The following SCN3B variants were observed in gnomAD, a reference collection of about 807,000 sequenced individuals.
SCN3B encodes sodium voltage-gated channel beta subunit 3.
Under a neutral mutation model 25.4 loss-of-function variants are expected in SCN3B, and 11 were observed. That is an observed-to-expected ratio of 0.43 (90% CI 0.27 to 0.72). SCN3B has a LOEUF of 0.72. SCN3B is among the 30% of genes least tolerant of loss of function. The pLI is 0.18. For missense variants in SCN3B, 218 were observed against 278.3 expected (o/e 0.78, Z 1.54); for synonymous variants, 109 against 110.7 (o/e 0.99, Z 0.09).
At chr11:123,637,487 A>G (rs1955742084) in intron 5 of SCN3B, among the ~76,000 whole-genome samples, 1 of 152,026 alleles carries the variant, frequency 6.6e-6, no homozygotes, top group South Asian at 2.1e-4. Context: ...GCATTTACAG[A>G]ACGGTTATAA....
chr11:123,653,475 G>T (rs1263350895), intron 2 of SCN3B, among the ~76,000 whole-genome samples: 1 of 152,052 alleles, frequency 6.6e-6, no homozygotes, highest in Non-Finnish European at 1.5e-5. Flanking sequence ...AAGGGAAAGG[G>T]AAAAAATACT....
At chr11:123,640,534 G>A (rs1955775195) in intron 4 of SCN3B, 2 of 151,672 alleles carry the variant, frequency 1.3e-5, no homozygotes, top group Non-Finnish European at 2.9e-5. Flanking sequence ...AAGAAAAAGT[G>A]GCAGGGGGTT....
Position 123,632,143 on chromosome 11 carries a change from T to A in SCN3B, c.*1656A>T, listed in dbSNP as rs1217949722. 6.6e-6 allele frequency: 1 copy of A among 152,192 alleles called. No individual in the cohort carries two copies. The highest frequency in any genetic ancestry group is 1.5e-5 in the Non-Finnish European group (1 of 68,034). 9.4% of individuals were successfully genotyped at this position (152,192 alleles called of 1,614,324 possible). A position where few individuals can be genotyped will look rare whatever the true frequency, so the allele number is the denominator to read the frequency against. Reference sequence around the variant, plus strand: ...CTAAAGTTTTTTCCAGTTTCTCTGCTCCCTCAAAATCTAGGGGAAAAAAAT... The same window carrying A: ...CTAAAGTTTTTTCCAGTTTCTCTGCACCCTCAAAATCTAGGGGAAAAAAAT... On this transcript the variant is annotated 3_prime_UTR_variant, in exon 7 of 7. Coordinates refer to ENST00000299333, the MANE Select transcript of SCN3B (RefSeq NM_001040151.2).
At position 123,643,740 on chromosome 11, in the gene SCN3B, T is replaced by C. The variant is rs78715641; in HGVS notation, c.220-1069A>G. Among the ~76,000 whole-genome samples, 770 of 152,312 alleles carry C rather than the reference T, an allele frequency of 5.1e-3. 1 individual carries two copies. The highest frequency in any genetic ancestry group is 0.017 in the African/African-American group (713 of 41,578). On this transcript the variant is annotated intron_variant, in intron 3 of 6. Coordinates refer to ENST00000299333, the MANE Select transcript of SCN3B (RefSeq NM_001040151.2). ...TCACTTTGGGCAGGCCTGGAAGCAA[T>C]GTGGGCAGCTATCACTGGTACATGA...
At chr11:123,636,332 C>T (rs1955724258) in intron 5 of SCN3B, among the ~76,000 whole-genome samples, 1 of 152,054 alleles carries the variant, frequency 6.6e-6, no homozygotes, top group South Asian at 2.1e-4. Flanking sequence ...CTTAGGTATC[C>T]TATGTAAATA....
intron 3 of SCN3B, 139 bp downstream of exon 3, chr11:123,645,448 T>C (rs1955843773): frequency 1.1e-6 from 1 of 944,578 alleles, no homozygotes; most frequent in Non-Finnish European, 1.7e-6. Context: ...AGGCTGTCAG[T>C]TATCTGCTGA....
Position 123,642,294 on chromosome 11 carries a change from A to T in SCN3B, c.445+152T>A, listed in dbSNP as rs1181446332. 4.0e-6 allele frequency: 3 copies of T among 743,870 alleles called. No individual in the cohort carries two copies. In the Admixed American group the frequency reaches 6.2e-5, roughly 15 times the overall value. 46.1% of individuals were successfully genotyped at this position (743,870 alleles called of 1,614,324 possible). On this transcript the variant is annotated intron_variant, in intron 4 of 6. Coordinates refer to ENST00000299333, the MANE Select transcript of SCN3B (RefSeq NM_001040151.2). The surrounding 1 kb of genome is among the most constrained non-coding windows in gnomAD (Gnocchi z 4.3). The stretch of plus-strand genomic sequence containing the variant: ...TTACAGGAAGCTGGCCACCAGAAGA[A>T]GATGGGTCAATGGTGACATTTTTAG...
intron 2 of SCN3B, among the ~76,000 whole-genome samples, chr11:123,647,794 G>A (rs1955871003): frequency 6.6e-6 from 1 of 152,170 alleles, no homozygotes; most frequent in Admixed American, 6.5e-5. Context: ...AAAACATGGA[G>A]TTTAAAAACT....
intron 2 of SCN3B, among the ~76,000 whole-genome samples, chr11:123,652,281 G>A (rs1312806382): frequency 6.6e-6 from 1 of 152,146 alleles, no homozygotes; most frequent in Non-Finnish European, 1.5e-5. Context: ...TGAGATCATT[G>A]GCAACATATT....
intron 3 of SCN3B, among the ~76,000 whole-genome samples, chr11:123,645,164 A>G (rs1955840421): frequency 6.6e-6 from 1 of 152,008 alleles, no homozygotes; most frequent in African/African-American, 2.4e-5. Context: ...TGTCATTCCT[A>G]TTTCAATGGG....
At chr11:123,644,859 A>G (rs1293912999) in intron 3 of SCN3B, among the ~76,000 whole-genome samples, 9 of 147,700 alleles carry the variant, frequency 6.1e-5, no homozygotes, top group Non-Finnish European at 1.3e-4. Flanking sequence ...ACATATATAC[A>G]CACACACATA....
At chr11:123,644,798 AGAATATATAT>A (rs1565496812) in intron 3 of SCN3B, among the ~76,000 whole-genome samples, 4 of 36,302 alleles carry the variant, frequency 1.1e-4, no homozygotes, top group Admixed American at 4.3e-4. Context: ...AGAGAGAGAG[AGAATATATAT>A]ATATATATAT....
chr11:123,649,091 C>T (rs1021405053), intron 2 of SCN3B, among the ~76,000 whole-genome samples: 2 of 152,106 alleles, frequency 1.3e-5, no homozygotes, highest in Non-Finnish European at 2.9e-5. Flanking sequence ...GTACAGGGAT[C>T]GGATTGGAAG....
At position 123,642,443 on chromosome 11, in the gene SCN3B, C is replaced by T. The variant is rs996152549; in HGVS notation, c.445+3G>A. 1.2e-6 allele frequency: 2 copies of T among 1,614,036 alleles called. No individual in the cohort carries two copies. Among genetic ancestry groups the T allele is most frequent in the African/African-American group, 1.3e-5 (1 of 74,926 alleles). On this transcript the variant is annotated splice_donor_region_variant and intron_variant, in intron 4 of 6. Coordinates refer to ENST00000299333, the MANE Select transcript of SCN3B (RefSeq NM_001040151.2). This position sits in a 1 kb window ranked among gnomAD's most constrained non-coding sequence, Gnocchi z 4.3. ...CCCTAGAGACCCTGTGCCTCAGCCTCACCCTCCTCGGTGACTCTTAGGGGG... is the reference window on the plus strand; with the variant it reads ...CCCTAGAGACCCTGTGCCTCAGCCTTACCCTCCTCGGTGACTCTTAGGGGG...
intron 4 of SCN3B, chr11:123,638,986 G>A (rs1320790740): frequency 6.2e-6 from 1 of 161,256 alleles, no homozygotes; most frequent in East Asian, 1.8e-4. Context: ...CAACCGCATT[G>A]TCCCCAGGGC....
chr11:123,647,113 T>G (rs545241542), intron 2 of SCN3B, among the ~76,000 whole-genome samples: 32 of 152,272 alleles, frequency 2.1e-4, no homozygotes, highest in Admixed American at 1.4e-3. Flanking sequence ...TTTTATGATT[T>G]TGGAGCTGTT....
At chr11:123,640,033 A>G (rs1955769812) in intron 4 of SCN3B, 1 of 152,146 alleles carries the variant, frequency 6.6e-6, no homozygotes, top group Non-Finnish European at 1.5e-5. Flanking sequence ...GTCATCCCCA[A>G]GTCCTTGGTT....
At chr11:123,648,701 CTA>C (rs1955884224) in intron 2 of SCN3B, among the ~76,000 whole-genome samples, 1 of 152,186 alleles carries the variant, frequency 6.6e-6, no homozygotes. Context: ...AGGATACAAG[CTA>C]TACACATATC....
In SCN3B at chr11:123,633,548, CTA is replaced by C; in HGVS notation, c.*249_*250del. On this transcript the variant is annotated 3_prime_UTR_variant, in exon 7 of 7. Transcript: ENST00000299333. Reference sequence around the variant, plus strand: ...AAACTAGGAGAGGGTGAGGTTGAGTCTATGTAGAAATGTTGGCTTCTCAGTTC... The same window carrying C: ...AAACTAGGAGAGGGTGAGGTTGAGTCTGTAGAAATGTTGGCTTCTCAGTTC... The C allele has an allele frequency of 6.2e-6, 1 of 160,920 alleles. No homozygotes were observed. Among genetic ancestry groups the C allele is most frequent in the Non-Finnish European group, 1.4e-5 (1 of 72,608 alleles). 10.0% of individuals were successfully genotyped at this position (160,920 alleles called of 1,614,324 possible).
Sources: allele counts gnomAD v4.1 joint callset (sites outside exome capture counted in the v4.1 genomes callset), GRCh38; gene constraint gnomAD v4.1.1; non-coding constraint Gnocchi (gnomAD v3.1); transcripts MANE v1.5; gene names NCBI Gene and HGNC (gene_info 2026-07-23, HGNC 2026-07-21).